FKTN: variants seen among roughly 807,000 people sequenced by gnomAD.
The protein encoded by FKTN is fukutin.
Under a neutral mutation model 58.6 loss-of-function variants are expected in FKTN, and 47 were observed. The ratio of observed to expected loss-of-function variants is 0.80; its 90% CI spans 0.63 to 1.02. The LOEUF (loss-of-function observed/expected upper bound fraction) is 1.02, where lower values mean the gene tolerates loss of function less well. Among genes scored for constraint, FKTN ranks in the 50% least tolerant of loss-of-function variants. The pLI, the probability that FKTN is intolerant of heterozygous loss-of-function variation, is 0.00. For missense variants in FKTN, 516 were observed against 537.3 expected (o/e 0.96, Z 0.39); for synonymous variants, 178 against 191.9 (o/e 0.93, Z 0.60).
intron 3 of FKTN, among the ~76,000 whole-genome samples, chr9:105,585,051 G>A (rs1202692745): frequency 1.3e-5 from 2 of 152,032 alleles, no homozygotes; most frequent in East Asian, 3.9e-4. Context: ...GATGCTTCCT[G>A]TATGTTATAG....
chr9:105,584,865 A>G (rs933240483), intron 3 of FKTN, among the ~76,000 whole-genome samples: 5 of 152,004 alleles, frequency 3.3e-5, no homozygotes, highest in African/African-American at 9.7e-5. Context: ...AACCGTTTGT[A>G]GCCCAGTAAT....
At chr9:105,569,716 T>C (rs1840402648) in intron 1 of FKTN, among the ~76,000 whole-genome samples, 1 of 152,228 alleles carries the variant, frequency 6.6e-6, no homozygotes, top group South Asian at 2.1e-4. Context: ...ACCATAATTA[T>C]ATATTAATCT....
At chr9:105,604,125 G>T in intron 5 of FKTN, 90 bp from the exon 6 acceptor site, 1 of 1,331,618 alleles carries the variant, frequency 7.5e-7, no homozygotes. Context: ...TTCAATATAA[G>T]AATCACTTTA....
intron 10 of FKTN, among the ~76,000 whole-genome samples, chr9:105,620,551 T>G (rs1345668929): frequency 6.6e-6 from 1 of 152,190 alleles, no homozygotes; most frequent in East Asian, 1.9e-4. Flanking sequence ...GCCAGTGTGA[T>G]TGCTGTTGAA....
chr9:105,559,867 A>G (rs1294417437), intron 1 of FKTN, among the ~76,000 whole-genome samples: 1 of 152,172 alleles, frequency 6.6e-6, no homozygotes, highest in Non-Finnish European at 1.5e-5. Flanking sequence ...GAGAGTAACT[A>G]TAGGCCATAC....
At chr9:105,565,557 A>G (rs2131777996) in intron 1 of FKTN, among the ~76,000 whole-genome samples, 1 of 152,122 alleles carries the variant, frequency 6.6e-6, no homozygotes, top group Non-Finnish European at 1.5e-5. Flanking sequence ...AAAGAAGGCC[A>G]TTACATAATG....
intron 1 of FKTN, among the ~76,000 whole-genome samples, chr9:105,558,636 G>GAAAAAA (rs562757053): frequency 7.5e-6 from 1 of 133,370 alleles, no homozygotes. Flanking sequence ...GTCAGATGTG[G>GAAAAAA]AAAAAAAAAA....
chr9:105,626,669 A>G, intron 10 of FKTN, among the ~76,000 whole-genome samples: 1 of 152,196 alleles, frequency 6.6e-6, no homozygotes, highest in Non-Finnish European at 1.5e-5. Flanking sequence ...GTTTACAAAT[A>G]GTTTTCCAAA....
intron 3 of FKTN, among the ~76,000 whole-genome samples, chr9:105,595,467 T>C (rs754996803): frequency 1.3e-5 from 2 of 152,192 alleles, no homozygotes; most frequent in Non-Finnish European, 2.9e-5. Flanking sequence ...GTAGCTGTAT[T>C]ACAATGTTTG....
At chr9:105,622,317 G>A (rs1832107002) in intron 10 of FKTN, among the ~76,000 whole-genome samples, 1 of 151,540 alleles carries the variant, frequency 6.6e-6, no homozygotes, top group African/African-American at 2.4e-5. Flanking sequence ...TAATAATATA[G>A]AATGCTTACT....
At chr9:105,599,734 C>T (rs1223899706) in intron 4 of FKTN, among the ~76,000 whole-genome samples, 2 of 152,090 alleles carry the variant, frequency 1.3e-5, no homozygotes, top group African/African-American at 4.8e-5. Context: ...GAACTCCTGA[C>T]CTCAGGTGAT....
intron 10 of FKTN, among the ~76,000 whole-genome samples, chr9:105,620,967 G>A (rs1324558453): frequency 6.6e-6 from 1 of 152,042 alleles, no homozygotes; most frequent in African/African-American, 2.4e-5. Flanking sequence ...AATTTCTAGA[G>A]CCAGTATTAG....
rs182021780 is a variant in FKTN at position 105,636,858 on chromosome 9, C to T, written c.*1594C>T. On this transcript the variant is annotated 3_prime_UTR_variant, in exon 11 of 11. Coordinates refer to ENST00000357998, the MANE Select transcript of FKTN (RefSeq NM_001079802.2). Reference sequence around the variant, plus strand: ...GAAAGTAACTTACAACCACCCATTCCGGATTTGTAAAGCAACATGAAAACC... The same window carrying T: ...GAAAGTAACTTACAACCACCCATTCTGGATTTGTAAAGCAACATGAAAACC... 1.2e-4 allele frequency: 132 copies of T among 1,140,926 alleles called. No homozygotes were observed. In the African/African-American group the frequency reaches 1.9e-3, roughly 16 times the overall value. 70.7% of individuals were successfully genotyped at this position (1,140,926 alleles called of 1,614,324 possible).
chr9:105,633,177 A>G (rs1458433116), intron 10 of FKTN, among the ~76,000 whole-genome samples: 1 of 152,234 alleles, frequency 6.6e-6, no homozygotes, highest in Non-Finnish European at 1.5e-5. Context: ...TCTGTTAAGT[A>G]CAAAAATTAA....
At position 105,637,904 on chromosome 9, in the gene FKTN, G is replaced by A. The variant is rs556673268; in HGVS notation, c.*2640G>A. ...AGTTCCTAAAATTGAGCATCCCTAA[G>A]AGTAGCTGCTTGGTGGGACAGCTGA... is the stretch of plus-strand genomic sequence containing the variant. On this transcript the variant is annotated 3_prime_UTR_variant, in exon 11 of 11. Coordinates refer to ENST00000357998, the MANE Select transcript of FKTN (RefSeq NM_001079802.2). 2 of 985,330 alleles carry A rather than the reference G, an allele frequency of 2.0e-6. No individual in the cohort carries two copies. Among genetic ancestry groups the A allele is most frequent in the East Asian group, 2.3e-4 (2 of 8,804 alleles). 61.0% of individuals were successfully genotyped at this position (985,330 alleles called of 1,614,324 possible).
intron 8 of FKTN, among the ~76,000 whole-genome samples, chr9:105,616,798 A>AT (rs1830899225): frequency 6.6e-6 from 1 of 151,958 alleles, no homozygotes; most frequent in South Asian, 2.1e-4. Flanking sequence ...ATAAACTGGG[A>AT]TATACGGTTA....
In FKTN at chr9:105,604,390, A is replaced by G. The variant is rs760170065; in HGVS notation, c.545A>G (p.Asn182Ser). The part of the protein sequence containing the change: ...HLVVFHERSG[N>S]YLWHGHLRLK... Reference sequence around the variant, plus strand: ...GTAGTCTTTCATGAGAGGAGTGGCAACTACCTCTGGCACGGCCACTTGAGA... The same window carrying G: ...GTAGTCTTTCATGAGAGGAGTGGCAGCTACCTCTGGCACGGCCACTTGAGA... The change falls in exon 6 of 11, where the codon AAC becomes AGC. Residue 182 changes from asparagine to serine, a missense_variant. By Grantham distance (46) the Asn-to-Ser change is conservative. Coordinates refer to ENST00000357998, the MANE Select transcript of FKTN (RefSeq NM_001079802.2). 3.7e-6 allele frequency: 6 copies of G among 1,612,484 alleles called. No individual in the cohort carries two copies. Among genetic ancestry groups the G allele is most frequent in the African/African-American group, 2.7e-5 (2 of 74,906 alleles).
intron 10 of FKTN, among the ~76,000 whole-genome samples, chr9:105,622,451 A>G (rs1004673497): frequency 1.3e-5 from 2 of 151,984 alleles, no homozygotes; most frequent in African/African-American, 4.8e-5. Context: ...AAGAGTAATA[A>G]AAAAGATAAA....
chr9:105,604,954 T>TA lies in FKTN; in HGVS notation c.647+462_647+463insA, dbSNP rs1564294000. 1.1e-3 allele frequency among the ~76,000 whole-genome samples: 139 copies of TA among 132,192 alleles called. 5 individuals are homozygous for TA. Among genetic ancestry groups the TA allele is most frequent in the Non-Finnish European group, 9.4e-4 (58 of 61,784 alleles). The allele number at this position is 132,192 out of a possible 152,430, so 86.7% of individuals were successfully genotyped here. A position where few individuals can be genotyped will look rare whatever the true frequency, so the allele number is the denominator to read the frequency against. On this transcript the variant is annotated intron_variant, in intron 6 of 10. Coordinates refer to ENST00000357998, the MANE Select transcript of FKTN (RefSeq NM_001079802.2). ...CTGGGCAACAGAGCAGGACTTTGTC[T>TA]CAAAAAAAAAAAAAAAACTGTAAAG...
Sources: allele counts gnomAD v4.1 joint callset (sites outside exome capture counted in the v4.1 genomes callset), GRCh38; gene constraint gnomAD v4.1.1; transcripts MANE v1.5; gene names NCBI Gene and HGNC (gene_info 2026-07-23, HGNC 2026-07-21).